The following ABCB10 variants were observed in gnomAD, a reference collection of about 807,000 sequenced individuals.
ABCB10 encodes ATP binding cassette subfamily B member 10, also known as ATP-binding cassette sub-family B member 10, mitochondrial.
In ABCB10, 54 loss-of-function variants were observed where a neutral mutation model predicts 65.4. The observed-to-expected ratio is 0.83, with a 90% CI of 0.66 to 1.04. The LOEUF (loss-of-function observed/expected upper bound fraction) is 1.04, where lower values mean the gene tolerates loss of function less well. ABCB10 is among the 50% of genes least tolerant of loss of function. The pLI is 0.00. For missense variants in ABCB10, 846 were observed against 976.6 expected (o/e 0.87, Z 1.78); for synonymous variants, 418 against 406.5 (o/e 1.03, Z -0.34).
chr1:229,536,569 G>A (rs1662726845), intron 6 of ABCB10, among the ~76,000 whole-genome samples: 1 of 152,126 alleles, frequency 6.6e-6, no homozygotes, highest in Non-Finnish European at 1.5e-5. Flanking sequence ...ACATAGTTAA[G>A]AGCTTTGACT....
chr1:229,532,665 G>C (rs748780726), intron 6 of ABCB10, among the ~76,000 whole-genome samples: 2 of 151,848 alleles, frequency 1.3e-5, no homozygotes, highest in Admixed American at 6.6e-5. Context: ...AGGATTGCTA[G>C]AGCCCAGGAG....
intron 1 of ABCB10, among the ~76,000 whole-genome samples, chr1:229,555,979 CA>C (rs34673510): frequency 0.078 from 9,662 of 124,198 alleles, 838 homozygotes; most frequent in African/African-American, 0.26. Flanking sequence ...GTTTGAAAAG[CA>C]AAAAAAAAAA....
intron 8 of ABCB10, among the ~76,000 whole-genome samples, chr1:229,527,885 GCT>G (rs1662482877): frequency 6.6e-6 from 1 of 152,268 alleles, no homozygotes; most frequent in Non-Finnish European, 1.5e-5. Flanking sequence ...TGATTTTTGA[GCT>G]CTTTTATTAC....
Position 229,558,479 on chromosome 1 carries a change from C to T in ABCB10, c.174G>A (p.Leu58=). 1 of 1,282,832 alleles carries T rather than the reference C, an allele frequency of 7.8e-7. No individual in the cohort carries two copies. The allele number at this position is 1,282,832 out of a possible 1,614,324, so 79.5% of individuals were successfully genotyped here. A position where few individuals can be genotyped will look rare whatever the true frequency, so the allele number is the denominator to read the frequency against. The change falls in exon 1 of 13, where the codon CTG becomes CTA. Residue 58 remains leucine, a synonymous_variant. Coordinates refer to ENST00000344517, the MANE Select transcript of ABCB10 (RefSeq NM_012089.3). The part of the protein sequence containing the change: ...PARLWGAGPA[L]LWGVGAARRW... ...GGCGCGCGGCTCCAACGCCCCAGAG[C>T]AGCGCGGGCCCCGCGCCCCATAGCC...
Position 229,558,417 on chromosome 1 carries a change from G to C in ABCB10, c.236C>G (p.Ala79Gly). 2 of 1,203,466 alleles carry C rather than the reference G, an allele frequency of 1.7e-6. No homozygotes were observed. The highest frequency in any genetic ancestry group is 2.1e-6 in the Non-Finnish European group (2 of 972,084). The allele number at this position is 1,203,466 out of a possible 1,614,324, so 74.5% of individuals were successfully genotyped here. A position where few individuals can be genotyped will look rare whatever the true frequency, so the allele number is the denominator to read the frequency against. The change falls in exon 1 of 13, where the codon GCC (alanine) becomes GGC (glycine). Residue 79 changes from alanine to glycine, a missense_variant. Coordinates refer to ENST00000344517, the MANE Select transcript of ABCB10 (RefSeq NM_012089.3). The stretch of plus-strand genomic sequence containing the variant: ...CGCGAGGCCCAGGACGCCCCGCGAG[G>C]CGCCCGGACCCCCGCCCCGGCAGCC... ...RSGCRGGGPG[A>G]SRGVLGLARL... is the part of the protein sequence containing the mutation.
At chr1:229,553,834 T>C (rs779749717) in intron 1 of ABCB10, among the ~76,000 whole-genome samples, 1 of 151,968 alleles carries the variant, frequency 6.6e-6, no homozygotes, top group Non-Finnish European at 1.5e-5. Context: ...CATCTCTCTG[T>C]GCCCAGTTTC....
At chr1:229,532,212 A>G (rs1449591398) in intron 6 of ABCB10, among the ~76,000 whole-genome samples, 3 of 152,150 alleles carry the variant, frequency 2.0e-5, no homozygotes, top group Non-Finnish European at 4.4e-5. Context: ...TCAGCCTCCC[A>G]AAGTGTGGGA....
At chr1:229,524,329 T>C (rs1662382512) in intron 10 of ABCB10, among the ~76,000 whole-genome samples, 1 of 151,874 alleles carries the variant, frequency 6.6e-6, no homozygotes, top group South Asian at 2.1e-4. Flanking sequence ...ACCTGGCTAT[T>C]GTTTTGTATT....
At chr1:229,535,056 A>C (rs868492722) in intron 6 of ABCB10, 2 of 149,386 alleles carry the variant, frequency 1.3e-5, no homozygotes, top group South Asian at 2.1e-4. Context: ...AAAAAAAAAA[A>C]AAAAAAAAAA....
intron 9 of ABCB10, 44 bp from the exon 10 acceptor site, chr1:229,526,160 T>A: frequency 6.4e-7 from 1 of 1,560,858 alleles, no homozygotes; most frequent in Non-Finnish European, 8.7e-7. Flanking sequence ...CAAACAGACT[T>A]AAAACATGTC....
intron 2 of ABCB10, among the ~76,000 whole-genome samples, chr1:229,548,637 T>C (rs2102706798): frequency 6.6e-6 from 1 of 151,780 alleles, no homozygotes; most frequent in East Asian, 1.9e-4. Context: ...TCCAGCTTCA[T>C]GGCCAGGGGC....
At chr1:229,533,269 G>GCC (rs1244019735) in intron 6 of ABCB10, among the ~76,000 whole-genome samples, 2 of 151,916 alleles carry the variant, frequency 1.3e-5, no homozygotes, top group African/African-American at 4.8e-5. Context: ...GATTACAGGT[G>GCC]CCCCCCACCA....
At chr1:229,522,936 C>T (rs561486762) in intron 10 of ABCB10, among the ~76,000 whole-genome samples, 28 of 152,088 alleles carry the variant, frequency 1.8e-4, no homozygotes, top group African/African-American at 6.7e-4. Flanking sequence ...TGCAACCTCT[C>T]GCTCCTGGGC....
At position 229,547,565 on chromosome 1, in the gene ABCB10, T is replaced by C. The variant is rs1662998646; in HGVS notation, c.855A>G (p.Ser285=). The change falls in exon 3 of 13, where the codon TCA becomes TCG. Residue 285 remains serine, a synonymous_variant. Coordinates refer to ENST00000344517, the MANE Select transcript of ABCB10 (RefSeq NM_012089.3). ...GCCCATCTGAGAGGTTTTCAGTCAC[T>C]GAGCGCCCCAGGAGTGCAGTGTCTG... is the stretch of plus-strand genomic sequence containing the variant. The part of the protein sequence containing the change: ...LSSDTALLGR[S]VTENLSDGLR... The C allele has an allele frequency of 1.2e-6, 2 of 1,614,046 alleles. No individual in the cohort carries two copies. Among genetic ancestry groups the C allele is most frequent in the Non-Finnish European group, 1.7e-6 (2 of 1,179,922 alleles).
intron 3 of ABCB10, among the ~76,000 whole-genome samples, chr1:229,543,396 C>G (rs897148532): frequency 2.6e-5 from 4 of 152,200 alleles, no homozygotes; most frequent in Admixed American, 2.6e-4. Flanking sequence ...ACTGGCATCT[C>G]TTCGACAAAT....
intron 7 of ABCB10, 69 bp downstream of exon 7, chr1:229,531,567 G>A: frequency 6.8e-7 from 1 of 1,460,770 alleles, no homozygotes. Flanking sequence ...TGCAGACAGG[G>A]GAAGAGCTGG....
At position 229,558,273 on chromosome 1, in the gene ABCB10, C is replaced by G. The variant is rs1663312293; in HGVS notation, c.380G>C (p.Trp127Ser). 2.4e-6 allele frequency: 3 copies of G among 1,259,584 alleles called. No homozygotes were observed. Among genetic ancestry groups the G allele is most frequent in the Non-Finnish European group, 3.0e-6 (3 of 1,005,926 alleles). 78.0% of individuals were successfully genotyped at this position (1,259,584 alleles called of 1,614,324 possible). A position where few individuals can be genotyped will look rare whatever the true frequency, so the allele number is the denominator to read the frequency against. Reference sequence around the variant, plus strand: ...GCGCCGCCAGGCCTCGTCCCCTGCCCAGGCAGCGGCTGCGGGACCGCCCGG... The same window carrying G: ...GCGCCGCCAGGCCTCGTCCCCTGCCGAGGCAGCGGCTGCGGGACCGCCCGG... ...RFPGGPAAAAWAGDEAWRRGP... is the reference protein window; with the variant it reads ...RFPGGPAAAASAGDEAWRRGP... Residue 127 changes from tryptophan (W) to serine (S), a missense_variant, in exon 1 of 13, where the codon TGG becomes TCG. Trp to Ser is a radical substitution (Grantham distance 177). Transcript: ENST00000344517.
intron 3 of ABCB10, among the ~76,000 whole-genome samples, chr1:229,546,473 T>C (rs1662969403): frequency 6.6e-6 from 1 of 152,132 alleles, no homozygotes; most frequent in African/African-American, 2.4e-5. Flanking sequence ...GGGTCAACTA[T>C]AATATGAAAG....
At chr1:229,523,850 A>G (rs1662371595) in intron 10 of ABCB10, among the ~76,000 whole-genome samples, 1 of 152,112 alleles carries the variant, frequency 6.6e-6, no homozygotes, top group South Asian at 2.1e-4. Flanking sequence ...AGCAGTTTAC[A>G]CTGGTTTTCT....
Sources: allele counts gnomAD v4.1 joint callset (sites outside exome capture counted in the v4.1 genomes callset), GRCh38; gene constraint gnomAD v4.1.1; transcripts MANE v1.5; gene names NCBI Gene and HGNC (gene_info 2026-07-23, HGNC 2026-07-21).